The following SLC1A4 variants were observed in gnomAD, a reference collection of about 807,000 sequenced individuals.
The protein encoded by SLC1A4 is neutral amino acid transporter A.
Under a neutral mutation model 37.7 loss-of-function variants are expected in SLC1A4, and 19 were observed. The ratio of observed to expected loss-of-function variants is 0.50; its 90% confidence interval spans 0.35 to 0.74. The LOEUF (loss-of-function observed/expected upper bound fraction) is 0.74, where lower values mean the gene tolerates loss of function less well. SLC1A4 is among the 30% of genes least tolerant of loss of function. The pLI, the probability that SLC1A4 is intolerant of heterozygous loss-of-function variation, is 0.01. For synonymous variants in SLC1A4, 299 were observed against 309.8 expected (o/e 0.97, Z 0.37); for missense variants, 570 against 712.9 (o/e 0.80, Z 2.28).
chr2:65,001,358 C>T (rs1343020871), intron 1 of SLC1A4, 90 bp from the exon 2 acceptor site: 3 of 1,164,700 alleles, frequency 2.6e-6, no homozygotes, highest in Non-Finnish European at 3.8e-6. Context: ...GCTGCAATCA[C>T]ACCACTGCAC....
chr2:65,010,728 C>T lies in SLC1A4; in HGVS notation c.765C>T (p.Asn255=), dbSNP rs200543536. The change falls in exon 4 of 8, where the codon AAC becomes AAT. Residue 255 remains asparagine, a synonymous_variant. Transcript: ENST00000234256. ...TCATCCGTTTCTTCAATTCCCTCAA[C>T]GAGGCGACGATGGTGCTGGTGTCCT... ...EDLIRFFNSL[N]EATMVLVSWI... The T allele has an allele frequency of 4.4e-4, 709 of 1,613,964 alleles. 7 individuals carry two copies. In the South Asian group the frequency reaches 6.6e-3, roughly 15 times the overall value.
Position 64,994,489 on chromosome 2 carries a change from T to C in SLC1A4, c.527+4319T>C, listed in dbSNP as rs117389778. ...GCAGTAGCATAGTAGGGTGTGGCCATGTATATGGTAAATACAATTAGGATT... is the reference window on the plus strand; with the variant it reads ...GCAGTAGCATAGTAGGGTGTGGCCACGTATATGGTAAATACAATTAGGATT... On this transcript the variant is annotated intron_variant, in intron 1 of 7. Coordinates refer to ENST00000234256, the MANE Select transcript of SLC1A4 (RefSeq NM_003038.5). Among the ~76,000 whole-genome samples, 39 of 152,358 alleles carry C rather than the reference T, an allele frequency of 2.6e-4. No individual in the cohort carries two copies. In the East Asian group the frequency reaches 7.3e-3, roughly 29 times the overall value.
intron 7 of SLC1A4, among the ~76,000 whole-genome samples, chr2:65,020,260 T>C (rs1161294306): frequency 6.6e-6 from 1 of 152,206 alleles, no homozygotes; most frequent in Non-Finnish European, 1.5e-5. Context: ...TATCCCAATA[T>C]GTTTGTTTAT....
In SLC1A4 at chr2:65,003,373, G is replaced by C. The variant is rs751258498; in HGVS notation, c.571-580G>C. Among the ~76,000 whole-genome samples the C allele has an allele frequency of 2.5e-4, 38 of 152,202 alleles. 1 individual carries two copies. The highest frequency in any genetic ancestry group is 1.0e-3 in the Admixed American group (16 of 15,280). On this transcript the variant is annotated intron_variant, in intron 2 of 7. Coordinates refer to ENST00000234256, the MANE Select transcript of SLC1A4 (RefSeq NM_003038.5). ...GAAATCAACCAGGGGACCAAAGCTA[G>C]AAAGACGTCTCACTTCTGATAACTG...
At chr2:65,013,313 C>G (rs1223086185) in intron 4 of SLC1A4, among the ~76,000 whole-genome samples, 1 of 152,204 alleles carries the variant, frequency 6.6e-6, no homozygotes, top group Non-Finnish European at 1.5e-5. Flanking sequence ...ACCTCCGCCT[C>G]CCAGGTTCAA....
At chr2:64,990,268 A>C (rs1673004919) in intron 1 of SLC1A4, 98 bp downstream of exon 1, 1 of 1,149,478 alleles carries the variant, frequency 8.7e-7, no homozygotes, top group Non-Finnish European at 1.2e-6. Context: ...CCTAAGAGTT[A>C]ATTCTTAGCT....
chr2:65,001,963 C>T (rs191639653), intron 2 of SLC1A4, among the ~76,000 whole-genome samples: 2 of 152,244 alleles, frequency 1.3e-5, no homozygotes, highest in Non-Finnish European at 1.5e-5. Flanking sequence ...TTTTTCTATG[C>T]GTGTATACAC....
chr2:64,991,126 A>G (rs1558511253), intron 1 of SLC1A4, among the ~76,000 whole-genome samples: 1 of 152,184 alleles, frequency 6.6e-6, no homozygotes. Flanking sequence ...AGTTATTAAT[A>G]TATTTTGTCT....
chr2:65,017,209 T>C (rs1674175974), intron 5 of SLC1A4, among the ~76,000 whole-genome samples: 1 of 152,144 alleles, frequency 6.6e-6, no homozygotes, highest in South Asian at 2.1e-4. Flanking sequence ...CAATTCTCCC[T>C]TTCTGGATAT....
In SLC1A4 at chr2:65,020,910, A is replaced by G. The variant is rs1558530351; in HGVS notation, c.1365-2A>G. ...AATAGCTGCCTCTTCTTTTCCCACC[A>G]GGGACCGGACCACCACGGTGGTGAA... On this transcript the variant is annotated splice_acceptor_variant, in intron 7 of 7. Transcript: ENST00000234256. LOFTEE classifies it high-confidence loss of function. The G allele has an allele frequency of 6.2e-7, 1 of 1,613,284 alleles. No individual in the cohort carries two copies. Among genetic ancestry groups the G allele is most frequent in the South Asian group, 1.1e-5 (1 of 91,062 alleles).
rs1236421710 is a variant in SLC1A4 at position 65,022,263 on chromosome 2, CAAGTTTAA to C, written c.*1120_*1127del. On this transcript the variant is annotated 3_prime_UTR_variant, in exon 8 of 8. Transcript: ENST00000234256. ...TAGAGCCCTTTCTTGCCAGTACATC[CAAGTTTAA>C]AATTATCAGCGAAATGGTCCATGTT... 1 of 152,252 alleles carries C rather than the reference CAAGTTTAA, an allele frequency of 6.6e-6. No individual in the cohort carries two copies. 9.4% of individuals were successfully genotyped at this position (152,252 alleles called of 1,614,324 possible).
In SLC1A4 at chr2:65,020,967, C is replaced by G; in HGVS notation, c.1420C>G (p.Leu474Val). The change falls in exon 8 of 8, where the codon CTC becomes GTC. Residue 474 changes from leucine (L) to valine (V), a missense_variant. Leu to Val is a conservative substitution (Grantham distance 32). Transcript: ENST00000234256. ...VEGDALGAGI[L>V]HHLNQKATKK... ...AGGGGATGCCCTGGGTGCAGGCATT[C>G]TCCACCACCTGAATCAGAAGGCAAC... 1 of 1,614,208 alleles carries G rather than the reference C, an allele frequency of 6.2e-7. No individual in the cohort carries two copies. The highest frequency in any genetic ancestry group is 8.5e-7 in the Non-Finnish European group (1 of 1,180,044).
intron 1 of SLC1A4, among the ~76,000 whole-genome samples, chr2:64,991,899 C>T (rs867690108): frequency 3.3e-5 from 5 of 152,150 alleles, no homozygotes; most frequent in African/African-American, 1.2e-4. Flanking sequence ...CCCTGCCTGG[C>T]CCCAGCTAAC....
chr2:64,999,034 A>C (rs1168432422), intron 1 of SLC1A4, among the ~76,000 whole-genome samples: 1 of 152,244 alleles, frequency 6.6e-6, no homozygotes, highest in Admixed American at 6.5e-5. Flanking sequence ...GCTTCTGACT[A>C]GGGCAGAAAA....
chr2:65,016,993 C>G (rs993171252), intron 5 of SLC1A4, among the ~76,000 whole-genome samples: 14 of 152,116 alleles, frequency 9.2e-5, no homozygotes, highest in African/African-American at 3.4e-4. Flanking sequence ...TCTGTATTCC[C>G]CTGGGGTGGG....
intron 3 of SLC1A4, among the ~76,000 whole-genome samples, chr2:65,008,137 TC>T (rs1673760791): frequency 6.6e-6 from 1 of 152,188 alleles, no homozygotes; most frequent in Non-Finnish European, 1.5e-5. Flanking sequence ...GACCCTTAAT[TC>T]CAGTTAGGAC....
intron 3 of SLC1A4, among the ~76,000 whole-genome samples, chr2:65,006,274 C>T (rs1403280125): frequency 6.6e-6 from 1 of 151,962 alleles, no homozygotes; most frequent in Non-Finnish European, 1.5e-5. Flanking sequence ...GGCAGATCAC[C>T]TGAAGTCAGG....
rs184791277 is a variant in SLC1A4 at position 64,999,969 on chromosome 2, A to G, written c.528-1479A>G. 6 of 152,282 alleles carry G rather than the reference A, an allele frequency of 3.9e-5. No homozygotes were observed. The East Asian group carries it at 1.2e-3, about 29-fold the overall frequency. 9.4% of individuals were successfully genotyped at this position (152,282 alleles called of 1,614,324 possible). On this transcript the variant is annotated intron_variant, in intron 1 of 7. Coordinates refer to ENST00000234256, the MANE Select transcript of SLC1A4 (RefSeq NM_003038.5). ...CCAAAGGTGTGAATACCAGGAGGCC[A>G]TCTTAGACTCTGCCTGCCACAGCTG...
In SLC1A4 at chr2:64,990,114, C is replaced by T. The variant is rs774343832; in HGVS notation, c.471C>T (p.Asp157=). The part of the protein sequence containing the change: ...TLQSSDLGLE[D]SGPPPVPKET... ...AGTCCAGCGACCTGGGGCTGGAGGA[C>T]TCGGGGCCTCCTCCTGTCCCCAAAG... is the stretch of plus-strand genomic sequence containing the variant. Residue 157 remains aspartate (D), a synonymous_variant, in exon 1 of 8, where the codon GAC becomes GAT. Coordinates refer to ENST00000234256, the MANE Select transcript of SLC1A4 (RefSeq NM_003038.5). The T allele has an allele frequency of 1.2e-6, 2 of 1,611,104 alleles. No individual in the cohort carries two copies. Among genetic ancestry groups the T allele is most frequent in the East Asian group, 2.2e-5 (1 of 44,804 alleles).
Sources: gnomAD v4.1 joint callset for allele counts (sites outside exome capture counted in the v4.1 genomes callset) on GRCh38, gnomAD v4.1.1 for gene constraint, MANE v1.5 for transcripts, NCBI Gene and HGNC (gene_info 2026-07-23, HGNC 2026-07-21) for gene names.